MVB12B: variants seen among roughly 807,000 people sequenced by gnomAD.
MVB12B encodes the protein ESCRT-I complex subunit MVB12B.
In MVB12B, 16 loss-of-function variants were observed where a neutral mutation model predicts 41.6. The ratio of observed to expected loss-of-function variants is 0.38; its 90% CI spans 0.26 to 0.58. The LOEUF (loss-of-function observed/expected upper bound fraction) is 0.58, where lower values mean the gene tolerates loss of function less well. Ranked by LOEUF, MVB12B falls within the 20% of genes least tolerant of loss-of-function variation. The probability of loss-of-function intolerance (pLI) is 0.62; values close to 1 mark genes in which losing one functional copy is unlikely to be tolerated. For missense variants in MVB12B, 274 were observed against 380.2 expected, an observed-to-expected ratio of 0.72 and a Z score of 2.32; for synonymous variants, 133 against 139.7, an observed-to-expected ratio of 0.95 and a Z score of 0.34.
intron 2 of MVB12B, among the ~76,000 whole-genome samples, chr9:126,366,614 ATTC>A: frequency 6.6e-6 from 1 of 152,148 alleles, no homozygotes; most frequent in South Asian, 2.1e-4. Context: ...ATCATCGGAT[ATTC>A]TTCTATAGTC....
rs533376361 is a variant in MVB12B, at chr9:126,430,681, G to A, written c.757+8733G>A. Among the ~76,000 whole-genome samples, 10 of 151,442 alleles carry A rather than the reference G, an allele frequency of 6.6e-5. No homozygotes were observed. In the South Asian group the frequency reaches 2.1e-3, roughly 32 times the overall value. On this transcript the variant is annotated intron_variant, in intron 7 of 9. Coordinates refer to ENST00000361171, the MANE Select transcript of MVB12B (RefSeq NM_033446.3). ...CAGTCACCGAGAGCTGCCCTGTCCT[G>A]TGCTCCTGAGGGCAAGCCTGCTGCC...
intron 2 of MVB12B, among the ~76,000 whole-genome samples, chr9:126,362,713 C>A (rs111778860): frequency 6.6e-6 from 1 of 152,178 alleles, no homozygotes. Context: ...ATTTTTACAT[C>A]GTACAAACTA....
intron 2 of MVB12B, among the ~76,000 whole-genome samples, chr9:126,346,068 T>G (rs539015875): frequency 6.6e-6 from 1 of 152,132 alleles, no homozygotes; most frequent in East Asian, 1.9e-4. Context: ...CGCTAAGGAA[T>G]TTGCAATTAT....
At chr9:126,433,756 C>T (rs983934802) in intron 7 of MVB12B, among the ~76,000 whole-genome samples, 4 of 152,156 alleles carry the variant, frequency 2.6e-5, no homozygotes, top group African/African-American at 9.7e-5. Context: ...GTGAGTGCTC[C>T]AGAATAACCC....
intron 2 of MVB12B, among the ~76,000 whole-genome samples, chr9:126,348,482 G>T (rs1367385516): frequency 1.3e-5 from 2 of 152,166 alleles, no homozygotes; most frequent in Non-Finnish European, 2.9e-5. Context: ...AGAGGAGCTG[G>T]TCTTGTTTTC....
intron 6 of MVB12B, among the ~76,000 whole-genome samples, chr9:126,403,387 C>A (rs1831322719): frequency 6.6e-6 from 1 of 152,206 alleles, no homozygotes; most frequent in Admixed American, 6.5e-5. Context: ...CTGGCCAGCC[C>A]CACCCCAGGC....
At chr9:126,348,862 G>A (rs968671131) in intron 2 of MVB12B, among the ~76,000 whole-genome samples, 2 of 152,166 alleles carry the variant, frequency 1.3e-5, no homozygotes, top group African/African-American at 4.8e-5. Flanking sequence ...TTACAACCAG[G>A]ATACTGACAT....
intron 6 of MVB12B, among the ~76,000 whole-genome samples, chr9:126,413,809 C>A (rs1421097269): frequency 2.5e-5 from 3 of 120,626 alleles, no homozygotes; most frequent in East Asian, 4.8e-4. Flanking sequence ...ATCCTGTGAA[C>A]CCCATTGGTT....
intron 2 of MVB12B, among the ~76,000 whole-genome samples, chr9:126,351,408 A>C (rs1829742921): frequency 6.6e-6 from 1 of 150,532 alleles, no homozygotes; most frequent in East Asian, 1.9e-4. Flanking sequence ...AACATCTAGC[A>C]CTATGTTACC....
rs79050549 is a variant in MVB12B, at chr9:126,473,621, G to T, written c.758-7748G>T. On this transcript the variant is annotated intron_variant, in intron 7 of 9. Coordinates refer to ENST00000361171, the MANE Select transcript of MVB12B (RefSeq NM_033446.3). The surrounding 1 kb of genome is among the most constrained non-coding windows in gnomAD (Gnocchi z 4.0). ...AGCAGGAACAAGAAAGCCAAAGAGC[G>T]GAAGGTGCCACACGCCTTTAAACAA... 6.6e-6 allele frequency among the ~76,000 whole-genome samples: 1 copy of T among 152,128 alleles called. No homozygotes were observed. Among genetic ancestry groups the T allele is most frequent in the African/African-American group, 2.4e-5 (1 of 41,406 alleles).
At chr9:126,456,555 G>A (rs1390906862) in intron 7 of MVB12B, among the ~76,000 whole-genome samples, 1 of 152,178 alleles carries the variant, frequency 6.6e-6, no homozygotes, top group Non-Finnish European at 1.5e-5. Context: ...ACTTGGCTGG[G>A]GTTCTCATCC....
intron 2 of MVB12B, among the ~76,000 whole-genome samples, chr9:126,374,113 A>G (rs1187852697): frequency 6.6e-6 from 1 of 152,258 alleles, no homozygotes; most frequent in Admixed American, 6.5e-5. Context: ...TCCTCTAATC[A>G]TTAGAAATTT....
chr9:126,397,259 A>G, intron 6 of MVB12B: 2 of 985,412 alleles, frequency 2.0e-6, no homozygotes, highest in Non-Finnish European at 2.4e-6. Flanking sequence ...GTGGTTAAAG[A>G]AAGAACACCA....
intron 3 of MVB12B, among the ~76,000 whole-genome samples, chr9:126,385,705 T>G (rs747820651): frequency 1.3e-5 from 2 of 152,210 alleles, no homozygotes; most frequent in Non-Finnish European, 2.9e-5. Context: ...CATCATTCTT[T>G]CCTTAACTGG....
At position 126,376,636 on chromosome 9, in the gene MVB12B, C is replaced by T. The variant is rs747894983; in HGVS notation, c.205-4428C>T. 3.4e-5 allele frequency: 44 copies of T among 1,288,464 alleles called. No homozygotes were observed. Among genetic ancestry groups the T allele is most frequent in the Non-Finnish European group, 3.1e-5 (31 of 988,530 alleles). 79.8% of individuals were successfully genotyped at this position (1,288,464 alleles called of 1,614,324 possible). ...CTGGAAGCAAGAAGGAGGGTAAGCG[C>T]GGGTGGCAGGGAGGGGCCTGCCATT... is the stretch of plus-strand genomic sequence containing the variant. On this transcript the variant is annotated intron_variant, in intron 2 of 9. Transcript: ENST00000361171. This position sits in a 1 kb window ranked among gnomAD's most constrained non-coding sequence, Gnocchi z 4.1.
chr9:126,482,226 C>T (rs1234644574), intron 8 of MVB12B, among the ~76,000 whole-genome samples: 1 of 152,262 alleles, frequency 6.6e-6, no homozygotes, highest in African/African-American at 2.4e-5. Flanking sequence ...CCCACGCTGG[C>T]TCAGCAAACC....
At chr9:126,437,293 A>G (rs1267268860) in intron 7 of MVB12B, among the ~76,000 whole-genome samples, 3 of 152,254 alleles carry the variant, frequency 2.0e-5, no homozygotes, top group African/African-American at 7.2e-5. Context: ...CAGATTGCAT[A>G]GACAGATTTT....
chr9:126,366,386 T>A (rs1271833515), intron 2 of MVB12B, among the ~76,000 whole-genome samples: 3 of 152,056 alleles, frequency 2.0e-5, no homozygotes, highest in Non-Finnish European at 4.4e-5. Context: ...TAGTACATGT[T>A]CATTATGGAC....
chr9:126,464,286 C>A (rs1383790628), intron 7 of MVB12B, among the ~76,000 whole-genome samples: 1 of 152,190 alleles, frequency 6.6e-6, no homozygotes, highest in Non-Finnish European at 1.5e-5. Context: ...AAAGGACTCT[C>A]CAGGCTGATC....
Sources: gnomAD v4.1 joint callset for allele counts (sites outside exome capture counted in the v4.1 genomes callset) on GRCh38, gnomAD v4.1.1 for gene constraint, Gnocchi (gnomAD v3.1) non-coding constraint, MANE v1.5 for transcripts, NCBI Gene and HGNC (gene_info 2026-07-23, HGNC 2026-07-21) for gene names.